Variants in HGS observed in about 807,000 individuals in gnomAD.
HGS encodes hepatocyte growth factor-regulated tyrosine kinase substrate.
A neutral mutation model predicts 109.7 loss-of-function variants in HGS; 63 were observed. The ratio of observed to expected loss-of-function variants is 0.57; its 90% CI spans 0.47 to 0.71. The LOEUF (loss-of-function observed/expected upper bound fraction) is 0.71, where lower values mean the gene tolerates loss of function less well. HGS is among the 30% of genes least tolerant of loss of function. HGS has a pLI of 0.00. For missense variants in HGS, 995 were observed against 1,068.3 expected (o/e 0.93, Z 0.96); for synonymous variants, 546 against 437.3 (o/e 1.25, Z -3.10).
chr17:81,688,572 CGGGGGGCCCTCCCT>C, intron 4 of HGS, 118 bp from the exon 5 acceptor site: 1 of 1,139,428 alleles, frequency 8.8e-7, no homozygotes, highest in Non-Finnish European at 1.3e-6. Context: ...ACGCCCCACT[CGGGGGGCCCTCCCT>C]GGCCTCTGTG....
rs191714054 is a variant in HGS, at chr17:81,685,612, G to A, written c.45G>A (p.Ala15=). 5.0e-6 allele frequency: 8 copies of A among 1,608,520 alleles called. No homozygotes were observed. Among genetic ancestry groups the A allele is most frequent in the East Asian group, 2.2e-5 (1 of 44,456 alleles). ...TGGCATTTTCTCTCTCAGACAAGGC[G>A]ACCAGCCAGCTCCTGTTGGAGACAG... ...SGTFERLLDK[A]TSQLLLETDW... The change falls in exon 2 of 22, where the codon GCG becomes GCA. Residue 15 remains alanine, a synonymous_variant. Transcript: ENST00000329138.
chr17:81,696,212 C>A, intron 15 of HGS, 145 bp from the exon 16 acceptor site: 1 of 1,138,536 alleles, frequency 8.8e-7, no homozygotes, highest in Non-Finnish European at 1.2e-6. Flanking sequence ...CCAGGACCCT[C>A]TGCCTGCCTC....
At chr17:81,690,413 G>A in intron 6 of HGS, 179 bp downstream of exon 6, 1 of 701,682 alleles carries the variant, frequency 1.4e-6, no homozygotes, top group Non-Finnish European at 2.4e-6. Flanking sequence ...GCGAGGTGGA[G>A]ACGTGGCTTG....
At chr17:81,689,439 T>G (rs1329145873) in intron 5 of HGS, among the ~76,000 whole-genome samples, 1 of 152,130 alleles carries the variant, frequency 6.6e-6, no homozygotes, top group Non-Finnish European at 1.5e-5. Flanking sequence ...CGTGGAGAAC[T>G]AGGGGATTGT....
At chr17:81,696,163 A>ATGCTC (rs374574685) in intron 15 of HGS, 164 bp downstream of exon 15, 1 of 767,992 alleles carries the variant, frequency 1.3e-6, no homozygotes, top group African/African-American at 1.8e-5. Flanking sequence ...AGTGATGACC[A>ATGCTC]TGCCCTGCCC....
At position 81,694,970 on chromosome 17, in the gene HGS, A is replaced by C. The variant is rs996764869; in HGVS notation, c.1022A>C (p.Glu341Ala). 1.2e-6 allele frequency: 2 copies of C among 1,614,014 alleles called. No individual in the cohort carries two copies. Among genetic ancestry groups the C allele is most frequent in the Non-Finnish European group, 1.7e-6 (2 of 1,180,038 alleles). ...AACTACTGGGAGAAGAAGCAGGAGGAGGCTCGCAAGAGCCCCACGCCATCT... is the reference window on the plus strand; with the variant it reads ...AACTACTGGGAGAAGAAGCAGGAGGCGGCTCGCAAGAGCCCCACGCCATCT... ...NRNYWEKKQE[E>A]ARKSPTPSAP... Residue 341 changes from glutamate (E) to alanine (A), a missense_variant, in exon 13 of 22, where the codon GAG becomes GCG. Coordinates refer to ENST00000329138, the MANE Select transcript of HGS (RefSeq NM_004712.5).
At chr17:81,699,661 T>A (rs879783741) in intron 18 of HGS, among the ~76,000 whole-genome samples, 21 of 151,996 alleles carry the variant, frequency 1.4e-4, no homozygotes, top group Admixed American at 3.9e-4. Flanking sequence ...CCTGCCATCA[T>A]GATCCGCCTG....
At position 81,696,111 on chromosome 17, in the gene HGS, G is replaced by A. The variant is rs968443674; in HGVS notation, c.1393+112G>A. 2.9e-6 allele frequency: 3 copies of A among 1,019,976 alleles called. No individual in the cohort carries two copies. In the African/African-American group the frequency reaches 4.9e-5, roughly 17 times the overall value. 63.2% of individuals were successfully genotyped at this position (1,019,976 alleles called of 1,614,324 possible). A position where few individuals can be genotyped will look rare whatever the true frequency, so the allele number is the denominator to read the frequency against. On this transcript the variant is annotated intron_variant, in intron 15 of 21. Transcript: ENST00000329138. Reference sequence around the variant, plus strand: ...TGAGCTCTTGTGAGTCCTTCATTGGGGCCGTGGCTTCCTCCAGAGAGTGTC... The same window carrying A: ...TGAGCTCTTGTGAGTCCTTCATTGGAGCCGTGGCTTCCTCCAGAGAGTGTC...
chr17:81,686,283 C>T (rs768586823), intron 2 of HGS, 29 bp from the exon 3 acceptor site: 43 of 1,593,106 alleles, frequency 2.7e-5, no homozygotes, highest in Non-Finnish European at 3.5e-5. Context: ...TCCCGTTTTT[C>T]TCTGCTTTTA....
At position 81,696,436 on chromosome 17, in the gene HGS, C is replaced by A. The variant is rs1478895359; in HGVS notation, c.1473C>A (p.His491Gln). 1.9e-5 allele frequency: 29 copies of A among 1,562,008 alleles called. No individual in the cohort carries two copies. Among genetic ancestry groups the A allele is most frequent in the Non-Finnish European group, 2.5e-5 (29 of 1,156,700 alleles). The change falls in exon 16 of 22, where the codon CAC becomes CAA. Residue 491 changes from histidine to glutamine, a missense_variant. Physicochemically the swap from His to Gln is conservative, Grantham distance 24 (BLOSUM62 0). This residue lies in a region of HGS where 163 missense variants were observed against 217.8 expected (regional missense o/e 0.75). Coordinates refer to ENST00000329138, the MANE Select transcript of HGS (RefSeq NM_004712.5). ...CGCTGAGTGCCCTGCGCGAAGAGCA[C>A]CGGGAGAAGCTTCGCCGGGCAGCCG... is the stretch of plus-strand genomic sequence containing the variant. ...RGALSALREE[H>Q]REKLRRAAEE... is the part of the protein sequence containing the mutation.
intron 21 of HGS, 95 bp from the exon 22 acceptor site, chr17:81,701,413 G>A: frequency 7.7e-7 from 1 of 1,305,922 alleles, no homozygotes; most frequent in Non-Finnish European, 1.0e-6. Flanking sequence ...TGGATTACAA[G>A]CACTTGTGGG....
At chr17:81,701,369 A>G (rs1039035945) in intron 21 of HGS, 139 bp from the exon 22 acceptor site, 26 of 1,001,020 alleles carry the variant, frequency 2.6e-5, no homozygotes, top group African/African-American at 8.1e-5. Flanking sequence ...CAAAGGCCGC[A>G]TGAGCTGGCT....
chr17:81,696,826 C>G lies in HGS; in HGVS notation c.1710C>G (p.Leu570=), dbSNP rs2037158472. 6.8e-6 allele frequency: 11 copies of G among 1,608,604 alleles called. No homozygotes were observed. The highest frequency in any genetic ancestry group is 8.5e-6 in the Non-Finnish European group (10 of 1,177,474). The change falls in exon 18 of 22, where the codon CTC becomes CTG. Residue 570 remains leucine, a splice_region_variant and synonymous_variant. Transcript: ENST00000329138. ...MPAFPLPYAQ[L]QAMPAAGGVL... is the part of the protein sequence containing the mutation. The stretch of plus-strand genomic sequence containing the variant: ...ACCGCTGTCTCTTTTGTCCCCAGCT[C>G]CAGGCCATGCCCGCAGCCGGAGGTG...
rs533470778 is a variant in HGS at position 81,691,367 on chromosome 17, C to T, written c.538-80C>T. 26 of 1,572,572 alleles carry T rather than the reference C, an allele frequency of 1.7e-5. No individual in the cohort carries two copies. The highest frequency in any genetic ancestry group is 1.9e-5 in the Non-Finnish European group (22 of 1,154,240). On this transcript the variant is annotated intron_variant, in intron 7 of 21. Coordinates refer to ENST00000329138, the MANE Select transcript of HGS (RefSeq NM_004712.5). This position sits in a 1 kb window ranked among gnomAD's most constrained non-coding sequence, Gnocchi z 5.3. ...CACCTGTGAGGCCCAGCTTCGGCAT[C>T]GTACGGGGTGGTTCTGGGCCGGGTG...
At chr17:81,698,135 T>C (rs2037182898) in intron 18 of HGS, 2 of 152,156 alleles carry the variant, frequency 1.3e-5, no homozygotes, top group Non-Finnish European at 2.9e-5. Flanking sequence ...CTGTCTCTAC[T>C]AAACATACAA....
chr17:81,695,316 G>A (rs775007048), intron 14 of HGS, 93 bp downstream of exon 14: 2 of 1,379,788 alleles, frequency 1.4e-6, no homozygotes, highest in African/African-American at 1.4e-5. Context: ...CCTAACCAGA[G>A]GGCCGTGCTA....
chr17:81,700,661 GC>G (rs2037222875), intron 19 of HGS, 33 bp from the exon 20 acceptor site: 5 of 1,030,720 alleles, frequency 4.9e-6, no homozygotes, highest in Non-Finnish European at 7.0e-6. Flanking sequence ...CCCAGCCCCA[GC>G]CCCTTCTCCC....
In HGS at chr17:81,691,409, C is replaced by G; in HGVS notation, c.538-38C>G. ...GGCCGGGTGGCGCATCAGGGTCCCC[C>G]AGTGCCTGTGACCAGGCCCGCCCGC... On this transcript the variant is annotated intron_variant, in intron 7 of 21. Transcript: ENST00000329138. The surrounding 1 kb of genome is among the most constrained non-coding windows in gnomAD (Gnocchi z 5.3). 1 of 1,611,928 alleles carries G rather than the reference C, an allele frequency of 6.2e-7. No individual in the cohort carries two copies. Among genetic ancestry groups the G allele is most frequent in the Non-Finnish European group, 8.5e-7 (1 of 1,179,440 alleles).
rs745740449 is a variant in HGS, at chr17:81,693,897, C to T, written c.868C>T (p.Pro290Ser). The change falls in exon 11 of 22, where the codon CCC (proline) becomes TCC (serine). Residue 290 changes from proline (P) to serine (S), a missense_variant. Physicochemically the swap from Pro to Ser is moderately conservative, Grantham distance 74. Coordinates refer to ENST00000329138, the MANE Select transcript of HGS (RefSeq NM_004712.5). ...ACAGAAGTCCACGTACACTTCGTAC[C>T]CCAAGGCGGAGCCCATGCCCTCGGC... ...LRQKSTYTSY[P>S]KAEPMPSASS... is the part of the protein sequence containing the mutation. 4 of 1,611,094 alleles carry T rather than the reference C, an allele frequency of 2.5e-6. No individual in the cohort carries two copies. The highest frequency in any genetic ancestry group is 2.7e-5 in the African/African-American group (2 of 74,886).
Sources: allele counts gnomAD v4.1 joint callset (sites outside exome capture counted in the v4.1 genomes callset), GRCh38; gene constraint gnomAD v4.1.1; regional missense constraint gnomAD v4.1.1; non-coding constraint Gnocchi (gnomAD v3.1); transcripts MANE v1.5; gene names NCBI Gene and HGNC (gene_info 2026-07-23, HGNC 2026-07-21).